The following AKAP10 variants were observed in gnomAD, a reference collection of about 807,000 sequenced individuals.
The protein encoded by AKAP10 is A-kinase anchoring protein 10.
A neutral mutation model predicts 80.8 loss-of-function variants in AKAP10; 24 were observed. The ratio of observed to expected loss-of-function variants is 0.30; its 90% CI spans 0.22 to 0.42. AKAP10 has a LOEUF of 0.42. Ranked by LOEUF, AKAP10 falls within the 10% of genes least tolerant of loss-of-function variation. The pLI is 1.00. For missense variants in AKAP10, 661 were observed against 794.9 expected (o/e 0.83, Z 2.03); for synonymous variants, 291 against 277.7 (o/e 1.05, Z -0.48).
intron 3 of AKAP10, among the ~76,000 whole-genome samples, chr17:19,961,700 T>C (rs1326680943): frequency 1.3e-5 from 2 of 152,236 alleles, no homozygotes; most frequent in Non-Finnish European, 1.5e-5. Context: ...GTCTCCTGCA[T>C]ATGTTTTTGT....
At chr17:19,906,339 G>C (rs374260696) in intron 14 of AKAP10, 107 bp from the exon 15 acceptor site, 2 of 1,254,762 alleles carry the variant, frequency 1.6e-6, no homozygotes, top group Non-Finnish European at 2.2e-6. Flanking sequence ...CTATATACCA[G>C]AGTTTAAGAC....
intron 7 of AKAP10, 122 bp downstream of exon 7, chr17:19,940,765 A>T: frequency 2.6e-6 from 3 of 1,164,316 alleles, no homozygotes. Flanking sequence ...ACTTGAAACA[A>T]TGATACATCT....
In AKAP10 at chr17:19,932,482, T is replaced by C. The variant is rs74255376; in HGVS notation, c.1468-504A>G. Among the ~76,000 whole-genome samples, 404 of 150,880 alleles carry C rather than the reference T, an allele frequency of 2.7e-3. 15 individuals are homozygous for C. In the East Asian group the frequency reaches 0.074, roughly 28 times the overall value. On this transcript the variant is annotated intron_variant, in intron 9 of 14. Coordinates refer to ENST00000225737, the MANE Select transcript of AKAP10 (RefSeq NM_007202.4). ...AAAAAAAAAAAAAAATTACAATGCA[T>C]GTAATTTTGTTGGGTTTTCTCCCCC...
At chr17:19,972,604 C>T (rs967200951) in intron 1 of AKAP10, among the ~76,000 whole-genome samples, 17 of 151,988 alleles carry the variant, frequency 1.1e-4, no homozygotes, top group Admixed American at 3.3e-4. Context: ...TACAGGCGCC[C>T]GCCACCACGC....
intron 4 of AKAP10, among the ~76,000 whole-genome samples, chr17:19,952,790 GATAGAGCTGAAAGTAAA>G (rs1370916602): frequency 6.6e-6 from 1 of 151,950 alleles, no homozygotes; most frequent in Non-Finnish European, 1.5e-5. Context: ...AGCAAAACCA[GATAGAGCTGAAAGTAAA>G]ATTGGAAAAA....
chr17:19,916,637 T>TAA (rs767359539), intron 12 of AKAP10, among the ~76,000 whole-genome samples: 1 of 140,672 alleles, frequency 7.1e-6, no homozygotes, highest in East Asian at 2.0e-4. Flanking sequence ...GAGACCAGAT[T>TAA]AAAAAAAAAA....
chr17:19,940,652 A>G (rs2043042025), intron 7 of AKAP10, among the ~76,000 whole-genome samples: 1 of 152,230 alleles, frequency 6.6e-6, no homozygotes. Flanking sequence ...ACTCTCTTAC[A>G]TGCAGTAGTT....
chr17:19,958,147 G>A lies in AKAP10; in HGVS notation c.744C>T (p.Leu248=). 1.9e-6 allele frequency: 3 copies of A among 1,614,126 alleles called. No homozygotes were observed. Among genetic ancestry groups the A allele is most frequent in the Non-Finnish European group, 2.5e-6 (3 of 1,179,974 alleles). Residue 248 remains leucine (L), a synonymous_variant, in exon 4 of 15, where the codon CTC becomes CTT. Transcript: ENST00000225737. ...LSQECDSAHS[L]RLEMARAGTH... ...TTCCTGCTCTGGCCATTTCAAGACG[G>A]AGAGAATGGGCACTGTCACATTCCT...
At chr17:19,944,637 G>A (rs1204702002) in intron 5 of AKAP10, among the ~76,000 whole-genome samples, 1 of 152,182 alleles carries the variant, frequency 6.6e-6, no homozygotes, top group Non-Finnish European at 1.5e-5. Context: ...CCTGGCGAGA[G>A]TGAGACTCCG....
At chr17:19,912,712 C>G (rs574583325) in intron 12 of AKAP10, among the ~76,000 whole-genome samples, 73 of 152,094 alleles carry the variant, frequency 4.8e-4, no homozygotes, top group Non-Finnish European at 8.4e-4. Context: ...AAGACTGTCT[C>G]AAAAAAAGAA....
intron 4 of AKAP10, among the ~76,000 whole-genome samples, chr17:19,950,571 G>A (rs952520886): frequency 2.6e-5 from 4 of 152,226 alleles, no homozygotes; most frequent in South Asian, 2.1e-4. Context: ...TCGGCCTCCC[G>A]AGGTGCCAGG....
intron 12 of AKAP10, among the ~76,000 whole-genome samples, chr17:19,913,113 G>A (rs1282874066): frequency 8.7e-5 from 13 of 149,500 alleles, no homozygotes; most frequent in Non-Finnish European, 3.0e-5. Context: ...TAGTAGCTGG[G>A]ATTACAGGTA....
chr17:19,910,290 C>CACTCCAACCTGGGCAACAGAGCGAG (rs2042675231), intron 12 of AKAP10, among the ~76,000 whole-genome samples: 1 of 142,038 alleles, frequency 7.0e-6, no homozygotes, highest in South Asian at 2.2e-4. Flanking sequence ...CGTGCCACTG[C>CACTCCAACCTGGGCAACAGAGCGAG]ACTCCAACCT....
rs776903538 is a variant in AKAP10, at chr17:19,961,178, CAA to C, written c.319+1660_319+1661del. 0.013 allele frequency among the ~76,000 whole-genome samples: 696 copies of C among 55,448 alleles called. 12 individuals carry two copies. In the East Asian group the frequency reaches 0.14, roughly 11 times the overall value. The allele number at this position is 55,448 out of a possible 152,430, so 36.4% of individuals were successfully genotyped here. On this transcript the variant is annotated intron_variant, in intron 3 of 14. Coordinates refer to ENST00000225737, the MANE Select transcript of AKAP10 (RefSeq NM_007202.4). ...GAAACATGGCGAAACCCCGTCTCTA[CAA>C]AAAAAAAAAAAAAAAATACAAAAAT...
chr17:19,946,275 A>ATTTTTTTTTT (rs71157846), intron 5 of AKAP10, among the ~76,000 whole-genome samples: 1 of 12,932 alleles, frequency 7.7e-5, no homozygotes. Context: ...ATATATATAT[A>ATTTTTTTTTT]TTTTTTTTTT....
intron 10 of AKAP10, among the ~76,000 whole-genome samples, chr17:19,927,078 T>A (rs973445608): frequency 1.3e-5 from 2 of 152,204 alleles, no homozygotes; most frequent in African/African-American, 2.4e-5. Context: ...GGCTCACACC[T>A]GTAATCCCAG....
chr17:19,911,835 C>CAAAAAAAAAAAAAAAAAAAAAAAAAAA lies in AKAP10; in HGVS notation c.1835-1884_1835-1858dup, dbSNP rs71157844. ...CGGCAACAAGAGCAAAACTCTGTCA[C>CAAAAAAAAAAAAAAAAAAAAAAAAAAA]AAAAAAAAAAAAAAAAAAAAAAAAA... On this transcript the variant is annotated intron_variant, in intron 12 of 14. Coordinates refer to ENST00000225737, the MANE Select transcript of AKAP10 (RefSeq NM_007202.4). Among the ~76,000 whole-genome samples the CAAAAAAAAAAAAAAAAAAAAAAAAAAA allele has an allele frequency of 7.3e-5, 4 of 55,008 alleles. 1 individual carries two copies. Among genetic ancestry groups the CAAAAAAAAAAAAAAAAAAAAAAAAAAA allele is most frequent in the African/African-American group, 1.0e-4 (2 of 19,098 alleles). 36.1% of individuals were successfully genotyped at this position (55,008 alleles called of 152,430 possible).
chr17:19,950,725 C>A (rs1324828312), intron 4 of AKAP10, among the ~76,000 whole-genome samples: 1 of 152,156 alleles, frequency 6.6e-6, no homozygotes, highest in Non-Finnish European at 1.5e-5. Context: ...TCTGCCCGGC[C>A]GCCACCCCGT....
At chr17:19,933,627 G>GT (rs2042961433) in intron 9 of AKAP10, among the ~76,000 whole-genome samples, 2 of 151,962 alleles carry the variant, frequency 1.3e-5, no homozygotes, top group Admixed American at 1.3e-4. Context: ...ATCAGAAAAG[G>GT]TTTAATTTTA....
Sources: allele counts gnomAD v4.1 joint callset (sites outside exome capture counted in the v4.1 genomes callset), GRCh38; gene constraint gnomAD v4.1.1; transcripts MANE v1.5; gene names NCBI Gene and HGNC (gene_info 2026-07-23, HGNC 2026-07-21).